The following MMP16 variants were observed in gnomAD, a reference collection of about 807,000 sequenced individuals.
MMP16 encodes the protein matrix metalloproteinase-16.
Under a neutral mutation model 67.8 loss-of-function variants are expected in MMP16, and 12 were observed. That is an observed-to-expected ratio of 0.18 (90% CI 0.11 to 0.29). MMP16 has a LOEUF of 0.29. Among genes scored for constraint, MMP16 ranks in the 10% least tolerant of loss-of-function variants. The pLI is 1.00. For missense variants in MMP16, 475 were observed against 765.7 expected (o/e 0.62, Z 4.48); for synonymous variants, 249 against 255.9 (o/e 0.97, Z 0.26).
At chr8:88,161,129 C>T (rs940363335) in intron 4 of MMP16, among the ~76,000 whole-genome samples, 3 of 152,110 alleles carry the variant, frequency 2.0e-5, no homozygotes, top group Admixed American at 6.6e-5. Context: ...ATGGTACCAG[C>T]TCCTCCTTGT....
intron 1 of MMP16, among the ~76,000 whole-genome samples, chr8:88,271,239 A>G (rs1047636271): frequency 6.6e-6 from 1 of 152,226 alleles, no homozygotes; most frequent in Non-Finnish European, 1.5e-5. Flanking sequence ...AACTTCAATT[A>G]CTTATGACCT....
chr8:88,189,857 G>C (rs1586197023), intron 2 of MMP16, among the ~76,000 whole-genome samples: 3 of 152,304 alleles, frequency 2.0e-5, no homozygotes, highest in Admixed American at 2.0e-4. Context: ...ATTTGTATGT[G>C]TCTGTCTCTA....
intron 1 of MMP16, among the ~76,000 whole-genome samples, chr8:88,301,003 G>A (rs1253412609): frequency 6.6e-6 from 1 of 152,134 alleles, no homozygotes; most frequent in African/African-American, 2.4e-5. Flanking sequence ...GACACAGGAA[G>A]GTGAAAGATT....
intron 6 of MMP16, among the ~76,000 whole-genome samples, chr8:88,107,208 G>T (rs1172389214): frequency 6.6e-6 from 1 of 150,826 alleles, no homozygotes; most frequent in East Asian, 2.0e-4. Flanking sequence ...ACAGTCTTTT[G>T]TATTTTTATA....
intron 6 of MMP16, among the ~76,000 whole-genome samples, chr8:88,093,124 C>T (rs1808966151): frequency 6.6e-6 from 1 of 151,686 alleles, no homozygotes; most frequent in Non-Finnish European, 1.5e-5. Flanking sequence ...TTTAATACTA[C>T]CCAGGGGACT....
intron 1 of MMP16, among the ~76,000 whole-genome samples, chr8:88,217,758 A>G (rs1392636041): frequency 6.6e-6 from 1 of 152,110 alleles, no homozygotes; most frequent in South Asian, 2.1e-4. Flanking sequence ...TTAAAAATAA[A>G]AATATGAAAA....
intron 6 of MMP16, among the ~76,000 whole-genome samples, chr8:88,099,593 A>G (rs10504851): frequency 0.18 from 27,750 of 151,728 alleles, 2,987 homozygotes; most frequent in Middle Eastern, 0.25. Context: ...TTATAGTCCA[A>G]TAACTGAAAT....
intron 1 of MMP16, among the ~76,000 whole-genome samples, chr8:88,311,629 T>C (rs28907892): frequency 6.6e-6 from 1 of 152,300 alleles, no homozygotes; most frequent in East Asian, 1.9e-4. Flanking sequence ...TCTAAATAAG[T>C]ATTTAAAAAT....
intron 1 of MMP16, among the ~76,000 whole-genome samples, chr8:88,198,812 C>T (rs547977037): frequency 2.1e-4 from 32 of 152,026 alleles, no homozygotes; most frequent in African/African-American, 7.5e-4. Context: ...AACTCATGTA[C>T]CATATAGTAA....
chr8:88,311,301 A>G lies in MMP16; in HGVS notation c.132+15774T>C, dbSNP rs989454372. Among the ~76,000 whole-genome samples, 10 of 152,206 alleles carry G rather than the reference A, an allele frequency of 6.6e-5. No individual in the cohort carries two copies. In the East Asian group the frequency reaches 1.3e-3, roughly 21 times the overall value. Reference sequence around the variant, plus strand: ...CAGCATACCTGCTAGAGCCGAGATCATCAAAGTTTGATCCAGGAACCTCTG... The same window carrying G: ...CAGCATACCTGCTAGAGCCGAGATCGTCAAAGTTTGATCCAGGAACCTCTG... On this transcript the variant is annotated intron_variant, in intron 1 of 9. Coordinates refer to ENST00000286614, the MANE Select transcript of MMP16 (RefSeq NM_005941.5).
At chr8:88,257,777 C>A (rs1165416871) in intron 1 of MMP16, among the ~76,000 whole-genome samples, 2 of 152,072 alleles carry the variant, frequency 1.3e-5, no homozygotes. Context: ...AGAGCACTTA[C>A]CTTATGGGTT....
intron 6 of MMP16, among the ~76,000 whole-genome samples, chr8:88,113,840 T>C (rs983376132): frequency 2.0e-5 from 3 of 152,024 alleles, no homozygotes; most frequent in Middle Eastern, 3.2e-3. Context: ...CACTGCTACA[T>C]AGCCAGTGCC....
chr8:88,281,638 C>G (rs568584207), intron 1 of MMP16, among the ~76,000 whole-genome samples: 1 of 152,222 alleles, frequency 6.6e-6, no homozygotes, highest in South Asian at 2.1e-4. Context: ...ATAAATTTAC[C>G]AGGCCCCCAA....
intron 1 of MMP16, among the ~76,000 whole-genome samples, chr8:88,224,329 G>A (rs1464831221): frequency 6.6e-6 from 1 of 151,976 alleles, no homozygotes; most frequent in East Asian, 1.9e-4. Flanking sequence ...AACTGATTAA[G>A]ATATACATCA....
Position 88,046,788 on chromosome 8 carries a change from CA to C in MMP16, c.1374-5del. 6.4e-7 allele frequency: 1 copy of C among 1,568,928 alleles called. No homozygotes were observed. ...TTCTTCACTATATCTCCAATATCTA[CA>C]AAGGATAAAAACAACAACAACAAAC... On this transcript the variant is annotated splice_region_variant and splice_polypyrimidine_tract_variant and intron_variant, in intron 8 of 9. Coordinates refer to ENST00000286614, the MANE Select transcript of MMP16 (RefSeq NM_005941.5).
chr8:88,282,535 T>TA (rs1315188083), intron 1 of MMP16, among the ~76,000 whole-genome samples: 1 of 152,248 alleles, frequency 6.6e-6, no homozygotes, highest in African/African-American at 2.4e-5. Flanking sequence ...TGTAGATAGA[T>TA]ATGCTACTTT....
intron 6 of MMP16, among the ~76,000 whole-genome samples, chr8:88,087,455 G>C (rs1808852594): frequency 6.6e-6 from 1 of 151,866 alleles, no homozygotes; most frequent in African/African-American, 2.4e-5. Context: ...GGCATGCTGA[G>C]TAGGGTGGGA....
intron 2 of MMP16, among the ~76,000 whole-genome samples, chr8:88,192,479 T>TG (rs1809186673): frequency 6.6e-6 from 1 of 152,188 alleles, no homozygotes; most frequent in Non-Finnish European, 1.5e-5. Flanking sequence ...CTAAGGTCCC[T>TG]GCTCACTAGC....
chr8:88,217,153 C>A (rs1197236690), intron 1 of MMP16, among the ~76,000 whole-genome samples: 1 of 152,038 alleles, frequency 6.6e-6, no homozygotes, highest in Non-Finnish European at 1.5e-5. Flanking sequence ...CCAGGATCAT[C>A]CTCTACTTTG....
Sources: allele counts gnomAD v4.1 joint callset (sites outside exome capture counted in the v4.1 genomes callset), GRCh38; gene constraint gnomAD v4.1.1; transcripts MANE v1.5; gene names NCBI Gene and HGNC (gene_info 2026-07-23, HGNC 2026-07-21).